The following MAPKAP1 variants were observed in gnomAD, a reference collection of about 807,000 sequenced individuals.
The protein encoded by MAPKAP1 is target of rapamycin complex 2 subunit MAPKAP1.
MAPKAP1 carries 20 observed loss-of-function variants against 65.7 expected under a neutral mutation model. The observed-to-expected ratio is 0.30, with a 90% CI of 0.21 to 0.44. The LOEUF is 0.44. Among genes scored for constraint, MAPKAP1 ranks in the 20% least tolerant of loss-of-function variants. MAPKAP1 has a pLI of 1.00. For synonymous variants in MAPKAP1, 222 were observed against 244.3 expected (o/e 0.91, Z 0.85); for missense variants, 423 against 648.0 (o/e 0.65, Z 3.77).
At chr9:125,517,950 C>T (rs922432177) in intron 7 of MAPKAP1, among the ~76,000 whole-genome samples, 6 of 147,936 alleles carry the variant, frequency 4.1e-5, no homozygotes, top group Non-Finnish European at 7.4e-5. Flanking sequence ...TCTTTGAAGA[C>T]GGGGTGGGAG....
intron 4 of MAPKAP1, 81 bp downstream of exon 4, chr9:125,657,570 C>A: frequency 7.8e-7 from 1 of 1,289,474 alleles, no homozygotes; most frequent in Non-Finnish European, 1.1e-6. Flanking sequence ...TTTCTGAAAC[C>A]CTAAATCTAA....
chr9:125,655,588 A>G (rs1002907119), intron 4 of MAPKAP1, among the ~76,000 whole-genome samples: 2 of 152,034 alleles, frequency 1.3e-5, no homozygotes, highest in African/African-American at 4.8e-5. Flanking sequence ...TCACAAAGAT[A>G]AAGAAAGACT....
intron 7 of MAPKAP1, among the ~76,000 whole-genome samples, chr9:125,527,456 T>C (rs530048711): frequency 2.6e-5 from 4 of 152,222 alleles, no homozygotes; most frequent in East Asian, 1.9e-4. Context: ...TCCCTCCTTA[T>C]AGGCAATTTG....
At chr9:125,522,116 C>A (rs1448493714) in intron 7 of MAPKAP1, among the ~76,000 whole-genome samples, 1 of 152,214 alleles carries the variant, frequency 6.6e-6, no homozygotes, top group Non-Finnish European at 1.5e-5. Context: ...GTGGAAGGGG[C>A]TCTAGCCCAG....
chr9:125,696,436 A>C (rs1564621512), intron 1 of MAPKAP1: 1 of 151,946 alleles, frequency 6.6e-6, no homozygotes, highest in Non-Finnish European at 1.5e-5. Context: ...AAAAAAACAA[A>C]AAACAAACAA....
chr9:125,556,964 T>A (rs1262205016), intron 6 of MAPKAP1, among the ~76,000 whole-genome samples: 4 of 152,228 alleles, frequency 2.6e-5, no homozygotes, highest in Non-Finnish European at 5.9e-5. Context: ...AGATTTCACT[T>A]TACCTCGTGT....
At chr9:125,480,284 A>G (rs771501373) in intron 9 of MAPKAP1, among the ~76,000 whole-genome samples, 1 of 152,188 alleles carries the variant, frequency 6.6e-6, no homozygotes, top group Non-Finnish European at 1.5e-5. Flanking sequence ...ACGACTAATT[A>G]ATGAAATTTC....
At chr9:125,463,577 G>A (rs185459867) in intron 10 of MAPKAP1, among the ~76,000 whole-genome samples, 47 of 152,222 alleles carry the variant, frequency 3.1e-4, no homozygotes, top group African/African-American at 1.1e-3. Flanking sequence ...TAGTCACTAG[G>A]GTTTACCAGT....
intron 8 of MAPKAP1, among the ~76,000 whole-genome samples, chr9:125,499,346 A>G (rs1461746963): frequency 6.6e-6 from 1 of 152,236 alleles, no homozygotes; most frequent in Non-Finnish European, 1.5e-5. Flanking sequence ...AAACAATGTA[A>G]TTCTTAGTTG....
At chr9:125,667,316 T>C (rs553194684) in intron 3 of MAPKAP1, among the ~76,000 whole-genome samples, 1 of 152,296 alleles carries the variant, frequency 6.6e-6, no homozygotes, top group East Asian at 1.9e-4. Flanking sequence ...TGATGTACTC[T>C]ATTCACCGTA....
At chr9:125,473,251 G>A (rs534446659) in intron 9 of MAPKAP1, among the ~76,000 whole-genome samples, 1 of 152,208 alleles carries the variant, frequency 6.6e-6, no homozygotes, top group African/African-American at 2.4e-5. Context: ...AGGTGGGGAA[G>A]AAAAGAGCAC....
intron 1 of MAPKAP1, among the ~76,000 whole-genome samples, chr9:125,676,913 A>G (rs1001716321): frequency 2.0e-5 from 3 of 152,234 alleles, no homozygotes; most frequent in South Asian, 2.1e-4. Flanking sequence ...CTTTTAAATT[A>G]TGTACTTTGT....
intron 1 of MAPKAP1, among the ~76,000 whole-genome samples, chr9:125,699,469 C>T (rs1239233701): frequency 6.6e-6 from 1 of 151,838 alleles, no homozygotes; most frequent in Non-Finnish European, 1.5e-5. Context: ...CTTGGCCTCC[C>T]AGGATTGCTG....
intron 7 of MAPKAP1, chr9:125,521,429 C>T: frequency 9.3e-7 from 1 of 1,079,700 alleles, no homozygotes; most frequent in South Asian, 4.3e-5. Flanking sequence ...CCAAATTTTA[C>T]ATACAGTTAT....
rs546250839 is a variant in MAPKAP1 at position 125,675,057 on chromosome 9, A to G, written c.-69-2414T>C. On this transcript the variant is annotated intron_variant, in intron 1 of 11. Transcript: ENST00000265960. The stretch of plus-strand genomic sequence containing the variant: ...ACCATAAAAAATGTATACACCACAC[A>G]TTTATTTATAAATGAGAGTATTTGT... Among the ~76,000 whole-genome samples, 14 of 152,336 alleles carry G rather than the reference A, an allele frequency of 9.2e-5. No individual in the cohort carries two copies. The South Asian group carries it at 2.9e-3, about 32-fold the overall frequency.
chr9:125,595,618 G>T lies in MAPKAP1; in HGVS notation c.499-9891C>A. 1 of 1,398,812 alleles carries T rather than the reference G, an allele frequency of 7.1e-7. No homozygotes were observed. The highest frequency in any genetic ancestry group is 9.3e-7 in the Non-Finnish European group (1 of 1,076,424). 86.7% of individuals were successfully genotyped at this position (1,398,812 alleles called of 1,614,324 possible). A position where few individuals can be genotyped will look rare whatever the true frequency, so the allele number is the denominator to read the frequency against. ...TATGTTTGTCAGCTTACTCCTTTCTGCCTGTGGACACGCCAAGGAAGCATC... is the reference window on the plus strand; with the variant it reads ...TATGTTTGTCAGCTTACTCCTTTCTTCCTGTGGACACGCCAAGGAAGCATC... On this transcript the variant is annotated intron_variant, in intron 4 of 11. Coordinates refer to ENST00000265960, the MANE Select transcript of MAPKAP1 (RefSeq NM_001006617.3). This position sits in a 1 kb window ranked among gnomAD's most constrained non-coding sequence, Gnocchi z 4.0.
intron 4 of MAPKAP1, among the ~76,000 whole-genome samples, chr9:125,587,327 A>C (rs923846705): frequency 2.0e-5 from 3 of 152,220 alleles, no homozygotes; most frequent in African/African-American, 7.2e-5. Flanking sequence ...GTACTTTGAG[A>C]GGCCAAGGCA....
intron 5 of MAPKAP1, among the ~76,000 whole-genome samples, chr9:125,560,741 G>A (rs1001125695): frequency 6.6e-5 from 10 of 152,342 alleles, no homozygotes; most frequent in Admixed American, 3.9e-4. Context: ...ATCCTTAGCA[G>A]AGTAAAAGCA....
chr9:125,557,430 T>C (rs2133206045), intron 6 of MAPKAP1, among the ~76,000 whole-genome samples: 1 of 152,336 alleles, frequency 6.6e-6, no homozygotes, highest in South Asian at 2.1e-4. Context: ...AAAAAACTTC[T>C]AATACCTTGT....
Sources: allele counts gnomAD v4.1 joint callset (sites outside exome capture counted in the v4.1 genomes callset), GRCh38; gene constraint gnomAD v4.1.1; non-coding constraint Gnocchi (gnomAD v3.1); transcripts MANE v1.5; gene names NCBI Gene and HGNC (gene_info 2026-07-23, HGNC 2026-07-21).